The following PSME2 variants were observed in gnomAD, a reference collection of about 807,000 sequenced individuals.
The protein encoded by PSME2 is proteasome activator complex subunit 2.
A neutral mutation model predicts 38.8 loss-of-function variants in PSME2; 20 were observed. That is an observed-to-expected ratio of 0.52 (90% CI 0.36 to 0.75). The LOEUF (loss-of-function observed/expected upper bound fraction) is 0.75. PSME2 is among the 30% of genes least tolerant of loss of function. The pLI is 0.00. For missense variants in PSME2, 227 were observed against 287.6 expected, an observed-to-expected ratio of 0.79 and a Z score of 1.52; for synonymous variants, 82 against 102.5, an observed-to-expected ratio of 0.80 and a Z score of 1.21.
At position 24,144,687 on chromosome 14, in the gene PSME2, G is replaced by A. The variant is rs565326279; in HGVS notation, c.361-219C>T. 23 of 602,392 alleles carry A rather than the reference G, an allele frequency of 3.8e-5. No individual in the cohort carries two copies. The African/African-American group carries it at 4.3e-4, about 11-fold the overall frequency. 37.3% of individuals were successfully genotyped at this position (602,392 alleles called of 1,614,324 possible). ...AAAAACTGAGTCACAGAATGTCTAA[G>A]TGACTTACTTAAGGCTACCAGCTAG... On this transcript the variant is annotated intron_variant, in intron 6 of 10. Coordinates refer to ENST00000216802, the MANE Select transcript of PSME2 (RefSeq NM_002818.3).
In PSME2 at chr14:24,143,729, G is replaced by A; in HGVS notation, c.553-58C>T. On this transcript the variant is annotated intron_variant, in intron 9 of 10. Transcript: ENST00000216802. This position sits in a 1 kb window ranked among gnomAD's most constrained non-coding sequence, Gnocchi z 4.4. ...CATGGGAGGCTGGGACATGAGTCTG[G>A]TTTCCTTTTATAGGAAATAGGTTAA... 12 of 1,556,504 alleles carry A rather than the reference G, an allele frequency of 7.7e-6. No individual in the cohort carries two copies. The South Asian group carries it at 1.2e-4, about 16-fold the overall frequency.
In PSME2 at chr14:24,145,263, T is replaced by C; in HGVS notation, c.242A>G (p.Asp81Gly). The stretch of plus-strand genomic sequence containing the variant: ...CTTACCTTCTTTCTTCTCCTGCTTA[T>C]CTGTTTCCATCTAAGGCAAAAAGGG... ...PPPKDDEMET[D>G]KQEKKEVHKC... The change falls in exon 5 of 11, where the codon GAT becomes GGT. Residue 81 changes from aspartate (D) to glycine (G), a missense_variant. By Grantham distance (94) the Asp-to-Gly change is moderately conservative. This residue lies in a region of PSME2 where 48 missense variants were observed against 96.4 expected (regional missense o/e 0.50). Transcript: ENST00000216802. 2 of 1,614,070 alleles carry C rather than the reference T, an allele frequency of 1.2e-6. No homozygotes were observed. The highest frequency in any genetic ancestry group is 1.7e-6 in the Non-Finnish European group (2 of 1,179,922).
chr14:24,144,447 G>A lies in PSME2; in HGVS notation c.382C>T (p.Leu128=), dbSNP rs762029491. 2 of 1,613,184 alleles carry A rather than the reference G, an allele frequency of 1.2e-6. No individual in the cohort carries two copies. The highest frequency in any genetic ancestry group is 2.2e-5 in the East Asian group (1 of 44,892). The change falls in exon 7 of 11, where the codon CTG becomes TTG. Residue 128 remains leucine, a synonymous_variant. Transcript: ENST00000216802. ...TTTCCATCTTCAATCTTGGGGATCA[G>A]GTGTTGGATCCATGTAATCACCTGT... ...CILVITWIQH[L]IPKIEDGNDF...
Position 24,146,256 on chromosome 14 carries a change from T to A in PSME2, c.49-16A>T. On this transcript the variant is annotated splice_polypyrimidine_tract_variant and intron_variant, in intron 1 of 10. Coordinates refer to ENST00000216802, the MANE Select transcript of PSME2 (RefSeq NM_002818.3). ...AGACCTCCACCTACACAGAGAGCAG[T>A]ACCCGGATGTTGGTTAAGGGTCTGG... 1 of 1,613,584 alleles carries A rather than the reference T, an allele frequency of 6.2e-7. No individual in the cohort carries two copies. Among genetic ancestry groups the A allele is most frequent in the South Asian group, 1.1e-5 (1 of 91,070 alleles).
chr14:24,146,365 GC>G, intron 1 of PSME2, 125 bp from the exon 2 acceptor site: 1 of 1,440,774 alleles, frequency 6.9e-7, no homozygotes, highest in Non-Finnish European at 9.7e-7. Flanking sequence ...TTCCCTGGAA[GC>G]TCCTGCTCAC....
Position 24,143,837 on chromosome 14 carries a change from C to A in PSME2, c.552+138G>T. 7.5e-7 allele frequency: 1 copy of A among 1,334,510 alleles called. No homozygotes were observed. Among genetic ancestry groups the A allele is most frequent in the Non-Finnish European group, 1.1e-6 (1 of 945,112 alleles). The allele number at this position is 1,334,510 out of a possible 1,614,324, so 82.7% of individuals were successfully genotyped here. ...GAAAAGGGTCAAGGTTGTTGAAGCC[C>A]AAACCAGTTTTTCTAGGTAATGCTT... On this transcript the variant is annotated intron_variant, in intron 9 of 10. Transcript: ENST00000216802. The surrounding 1 kb of genome is among the most constrained non-coding windows in gnomAD (Gnocchi z 4.4).
chr14:24,145,812 G>A (rs761457163), intron 2 of PSME2, 40 bp from the exon 3 acceptor site: 47 of 1,572,110 alleles, frequency 3.0e-5, no homozygotes, highest in Non-Finnish European at 4.0e-5. Context: ...CACAGAATAT[G>A]CTCAATGAGA....
At position 24,145,160 on chromosome 14, in the gene PSME2, G is replaced by C; in HGVS notation, c.263-5C>G. 6.2e-7 allele frequency: 1 copy of C among 1,612,470 alleles called. No individual in the cohort carries two copies. Among genetic ancestry groups the C allele is most frequent in the Non-Finnish European group, 8.5e-7 (1 of 1,178,568 alleles). On this transcript the variant is annotated splice_region_variant and splice_polypyrimidine_tract_variant and intron_variant, in intron 5 of 10. Coordinates refer to ENST00000216802, the MANE Select transcript of PSME2 (RefSeq NM_002818.3). ...GGAGAAATCCACACTTATGGACTGT[G>C]AGAAAGAGGGGATTCAGGCCCTTTC...
At chr14:24,146,308 G>A in intron 1 of PSME2, 68 bp from the exon 2 acceptor site, 1 of 1,580,542 alleles carries the variant, frequency 6.3e-7, no homozygotes, top group Admixed American at 1.7e-5. Flanking sequence ...ACCCACAACA[G>A]GGTGCCCTCG....
In PSME2 at chr14:24,146,600, T is replaced by C; in HGVS notation, c.-19A>G. 1.9e-6 allele frequency: 3 copies of C among 1,612,528 alleles called. No homozygotes were observed. The highest frequency in any genetic ancestry group is 2.5e-6 in the Non-Finnish European group (3 of 1,180,008). On this transcript the variant is annotated 5_prime_UTR_variant, in exon 1 of 11. Transcript: ENST00000216802. ...TGGCCATGCTGCTTCAGTCGCTAGATCTCTGGTCTCCCGGCTAGTCGCCCG... is the reference window on the plus strand; with the variant it reads ...TGGCCATGCTGCTTCAGTCGCTAGACCTCTGGTCTCCCGGCTAGTCGCCCG...
intron 8 of PSME2, 49 bp from the exon 9 acceptor site, chr14:24,144,078 A>G: frequency 6.2e-7 from 1 of 1,606,810 alleles, no homozygotes; most frequent in Non-Finnish European, 8.5e-7. Flanking sequence ...AGGGAGATGT[A>G]CTCCCTCAGA....
rs1384807252 is a variant in PSME2, at chr14:24,145,651, AG to A, written c.144+58del. On this transcript the variant is annotated intron_variant, in intron 3 of 10. Coordinates refer to ENST00000216802, the MANE Select transcript of PSME2 (RefSeq NM_002818.3). ...TGCTGAATCCAGTTGTTAGCTAGAG[AG>A]GGTGGGCAAAGGGGATAGAGGACAT... 2.6e-6 allele frequency: 4 copies of A among 1,548,944 alleles called. No homozygotes were observed. In the East Asian group the frequency reaches 9.0e-5, roughly 35 times the overall value.
At position 24,146,563 on chromosome 14, in the gene PSME2, C is replaced by G; in HGVS notation, c.19G>C (p.Val7Leu). Residue 7 changes from valine (V) to leucine (L), a missense_variant, in exon 1 of 11, where the codon GTG becomes CTG. Coordinates refer to ENST00000216802, the MANE Select transcript of PSME2 (RefSeq NM_002818.3). ...TTGCGGGCTTCCCCGCTCAGGCGCA[C>G]CCCACACGGCTTGGCCATGCTGCTT... MAKPCG[V>L]RLSGEARKQV... The G allele has an allele frequency of 6.2e-7, 1 of 1,613,864 alleles. No homozygotes were observed. The highest frequency in any genetic ancestry group is 8.5e-7 in the Non-Finnish European group (1 of 1,180,042).
chr14:24,145,939 G>A, intron 2 of PSME2, 167 bp from the exon 3 acceptor site: 1 of 852,366 alleles, frequency 1.2e-6, no homozygotes, highest in Non-Finnish European at 1.9e-6. Flanking sequence ...ATGGCAGAAC[G>A]AAGGTTAGGA....
Position 24,143,998 on chromosome 14 carries a change from T to C in PSME2, c.529A>G (p.Lys177Glu). 1 of 1,614,112 alleles carries C rather than the reference T, an allele frequency of 6.2e-7. No homozygotes were observed. Among genetic ancestry groups the C allele is most frequent in the Non-Finnish European group, 8.5e-7 (1 of 1,180,030 alleles). ...ACTACATGAGTCTCCTTGGAGGCCTTGGCCACAGCATCCCCACGTTCTGAG... is the reference window on the plus strand; with the variant it reads ...ACTACATGAGTCTCCTTGGAGGCCTCGGCCACAGCATCCCCACGTTCTGAG... ...YFSERGDAVA[K>E]ASKETHVMDY... The change falls in exon 9 of 11, where the codon AAG becomes GAG. Residue 177 changes from lysine (K) to glutamate (E), a missense_variant. Around this residue, in one of 3 missense-constraint regions of PSME2, gnomAD observed 99 missense variants for 113.9 expected, o/e 0.87. Coordinates refer to ENST00000216802, the MANE Select transcript of PSME2 (RefSeq NM_002818.3). This position sits in a 1 kb window ranked among gnomAD's most constrained non-coding sequence, Gnocchi z 4.4.
intron 6 of PSME2, chr14:24,144,800 C>T: frequency 1.7e-6 from 1 of 575,420 alleles, no homozygotes; most frequent in Non-Finnish European, 3.1e-6. Flanking sequence ...ATCATACCAC[C>T]TCTACTATGA....
Position 24,143,955 on chromosome 14 carries a change from C to T in PSME2, c.552+20G>A, listed in dbSNP as rs7494192. On this transcript the variant is annotated intron_variant, in intron 9 of 10. Coordinates refer to ENST00000216802, the MANE Select transcript of PSME2 (RefSeq NM_002818.3). This position sits in a 1 kb window ranked among gnomAD's most constrained non-coding sequence, Gnocchi z 4.4. Reference sequence around the variant, plus strand: ...CCTCGTCCCACACCCAGCTAAAAGGCTGGTGGACTATCCACTCACTACATG... The same window carrying T: ...CCTCGTCCCACACCCAGCTAAAAGGTTGGTGGACTATCCACTCACTACATG... 3 of 1,612,760 alleles carry T rather than the reference C, an allele frequency of 1.9e-6. No homozygotes were observed. The highest frequency in any genetic ancestry group is 2.5e-6 in the Non-Finnish European group (3 of 1,179,000).
chr14:24,145,575 C>T, intron 3 of PSME2, 110 bp from the exon 4 acceptor site: 1 of 1,438,236 alleles, frequency 7.0e-7, no homozygotes, highest in African/African-American at 1.4e-5. Context: ...TAGGCTCATG[C>T]CTCACGCCAT....
chr14:24,145,648 G>C lies in PSME2; in HGVS notation c.144+62C>G, dbSNP rs993878544. The C allele has an allele frequency of 3.2e-6, 5 of 1,547,228 alleles. No individual in the cohort carries two copies. In the African/African-American group the frequency reaches 4.1e-5, roughly 13 times the overall value. On this transcript the variant is annotated intron_variant, in intron 3 of 10. Coordinates refer to ENST00000216802, the MANE Select transcript of PSME2 (RefSeq NM_002818.3). ...GCATGCTGAATCCAGTTGTTAGCTA[G>C]AGAGGGTGGGCAAAGGGGATAGAGG... is the stretch of plus-strand genomic sequence containing the variant.
Sources: gnomAD v4.1 joint callset for allele counts on GRCh38, gnomAD v4.1.1 for gene constraint, gnomAD v4.1.1 regional missense constraint, Gnocchi (gnomAD v3.1) non-coding constraint, MANE v1.5 for transcripts, NCBI Gene and HGNC (gene_info 2026-07-23, HGNC 2026-07-21) for gene names.